The following KL variants were observed in gnomAD, a reference collection of about 807,000 sequenced individuals.
KL encodes alpha-klotho.
In KL, 62 loss-of-function variants were observed where a neutral mutation model predicts 84.2. The observed-to-expected ratio is 0.74, with a 90% CI of 0.60 to 0.91. KL has a LOEUF of 0.91. Among genes scored for constraint, KL ranks in the 40% least tolerant of loss-of-function variants. The probability of loss-of-function intolerance (pLI) is 0.00; values close to 1 mark genes in which losing one functional copy is unlikely to be tolerated. For missense variants in KL, 1,261 were observed against 1,305.7 expected, an observed-to-expected ratio of 0.97 and a Z score of 0.53; for synonymous variants, 528 against 528.0, an observed-to-expected ratio of 1.00 and a Z score of 0.00.
rs553882443 is a variant in KL at position 33,041,755 on chromosome 13, A to G, written c.820-12012A>G. 1.9e-4 allele frequency among the ~76,000 whole-genome samples: 29 copies of G among 152,178 alleles called. No individual in the cohort carries two copies. The South Asian group carries it at 4.0e-3, about 21-fold the overall frequency. On this transcript the variant is annotated intron_variant, in intron 1 of 4. Transcript: ENST00000380099. ...CCCGTACCCTCTACCGCCTCTGCCC[A>G]ATCCTCCGGGTTCTCTGCTCCTTCC...
intron 1 of KL, among the ~76,000 whole-genome samples, chr13:33,046,352 C>T (rs1871528545): frequency 6.6e-6 from 1 of 152,104 alleles, no homozygotes; most frequent in South Asian, 2.1e-4. Context: ...TTTCCTTAGC[C>T]ACTTTTGGTA....
At chr13:33,062,365 G>A (rs1205106721) in intron 4 of KL, among the ~76,000 whole-genome samples, 4 of 146,928 alleles carry the variant, frequency 2.7e-5, no homozygotes, top group African/African-American at 5.0e-5. Flanking sequence ...GGGTGACAGA[G>A]CAAGACACTA....
intron 1 of KL, among the ~76,000 whole-genome samples, chr13:33,024,774 T>A (rs1184292111): frequency 6.6e-6 from 1 of 152,188 alleles, no homozygotes; most frequent in Non-Finnish European, 1.5e-5. Flanking sequence ...GAGACCTGTG[T>A]CCCCTTGTTC....
At position 33,065,060 on chromosome 13, in the gene KL, T is replaced by C. The variant is rs547914023; in HGVS notation, c.*874T>C. The stretch of plus-strand genomic sequence containing the variant: ...ATTATGTGCAACATTATGATTAATC[T>C]GATTATACACCATTTTTGAGCAGAT... On this transcript the variant is annotated 3_prime_UTR_variant, in exon 5 of 5. Transcript: ENST00000380099. 1 of 228,496 alleles carries C rather than the reference T, an allele frequency of 4.4e-6. No homozygotes were observed. The highest frequency in any genetic ancestry group is 8.7e-6 in the Non-Finnish European group (1 of 115,012). The allele number at this position is 228,496 out of a possible 1,614,324, so 14.2% of individuals were successfully genotyped here.
intron 1 of KL, among the ~76,000 whole-genome samples, chr13:33,047,223 CA>C (rs1301525384): frequency 6.6e-6 from 1 of 152,028 alleles, no homozygotes; most frequent in Non-Finnish European, 1.5e-5. Context: ...ATAACCATGC[CA>C]GATTTTTAAT....
At chr13:33,036,758 A>G (rs1233296836) in intron 1 of KL, among the ~76,000 whole-genome samples, 1 of 152,248 alleles carries the variant, frequency 6.6e-6, no homozygotes, top group African/African-American at 2.4e-5. Context: ...ATGATAGTTC[A>G]TAATAAATGC....
At chr13:33,062,855 G>A (rs1290362764) in intron 4 of KL, among the ~76,000 whole-genome samples, 1 of 151,848 alleles carries the variant, frequency 6.6e-6, no homozygotes, top group African/African-American at 2.4e-5. Flanking sequence ...GAGGGGGTGG[G>A]AGAATAACTT....
At chr13:33,052,804 G>A (rs1871802622) in intron 1 of KL, among the ~76,000 whole-genome samples, 1 of 152,132 alleles carries the variant, frequency 6.6e-6, no homozygotes, top group African/African-American at 2.4e-5. Flanking sequence ...TTTTCAAAGA[G>A]GATATGTTAG....
rs1391664962 is a variant in KL, at chr13:33,060,827, C to T, written c.1748C>T (p.Ala583Val). The T allele has an allele frequency of 2.5e-6, 4 of 1,614,212 alleles. No individual in the cohort carries two copies. In the South Asian group the frequency reaches 4.4e-5, roughly 18 times the overall value. ...TTTGCTGCCATCCAGCCCCAGATCG[C>T]TTTACTCCAGGAAATGCACGTTACA... ...VDFAAIQPQI[A>V]LLQEMHVTHF... Residue 583 changes from alanine (A) to valine (V), a missense_variant, in exon 4 of 5, where the codon GCT becomes GTT. Physicochemically the swap from Ala to Val is moderately conservative, Grantham distance 64 (BLOSUM62 0). Transcript: ENST00000380099.
rs370222770 is a variant in KL, at chr13:33,019,598, CA to C, written c.819+2340del. Among the ~76,000 whole-genome samples the C allele has an allele frequency of 2.4e-4, 37 of 152,028 alleles. No individual in the cohort carries two copies. The East Asian group carries it at 4.6e-3, about 19-fold the overall frequency. On this transcript the variant is annotated intron_variant, in intron 1 of 4. Coordinates refer to ENST00000380099, the MANE Select transcript of KL (RefSeq NM_004795.4). ...CAAGAATCATTGATGGCCTGGAGGACAGGAGGCAGAACAAACAAACAGCAGG... is the reference window on the plus strand; with the variant it reads ...CAAGAATCATTGATGGCCTGGAGGACGGAGGCAGAACAAACAAACAGCAGG...
At chr13:33,059,791 A>G (rs896847908) in intron 3 of KL, among the ~76,000 whole-genome samples, 1 of 152,036 alleles carries the variant, frequency 6.6e-6, no homozygotes, top group Non-Finnish European at 1.5e-5. Context: ...ACTTTCTACC[A>G]TCAGTCAGAT....
intron 1 of KL, among the ~76,000 whole-genome samples, chr13:33,035,384 A>C (rs1332465233): frequency 1.8e-4 from 27 of 152,214 alleles, no homozygotes; most frequent in Non-Finnish European, 1.2e-4. Flanking sequence ...AATGTTTAGA[A>C]AATAAAAGTG....
intron 1 of KL, 98 bp downstream of exon 1, chr13:33,017,357 G>A: frequency 8.8e-7 from 1 of 1,133,824 alleles, no homozygotes; most frequent in Non-Finnish European, 1.2e-6. Flanking sequence ...CCCCAGACGA[G>A]GCTTCACTTG....
rs1784312519 is a variant in KL at position 33,017,084 on chromosome 13, A to G, written c.644A>G (p.His215Arg). 2 of 1,605,126 alleles carry G rather than the reference A, an allele frequency of 1.2e-6. No individual in the cohort carries two copies. The highest frequency in any genetic ancestry group is 1.7e-6 in the Non-Finnish European group (2 of 1,179,524). Residue 215 changes from histidine to arginine, a missense_variant, in exon 1 of 5, where the codon CAC (histidine) becomes CGC (arginine). Transcript: ENST00000380099. The stretch of plus-strand genomic sequence containing the variant: ...TGGGCCAACCGCGCCCTGGCCGACC[A>G]CTTCAGGGATTACGCGGAGCTCTGC... ...GGWANRALAD[H>R]FRDYAELCFR...
At chr13:33,021,448 A>G (rs1469979630) in intron 1 of KL, among the ~76,000 whole-genome samples, 1 of 152,330 alleles carries the variant, frequency 6.6e-6, no homozygotes, top group East Asian at 1.9e-4. Flanking sequence ...CTTTAGGAGT[A>G]TATATTGGAA....
chr13:33,062,537 G>T (rs567455476), intron 4 of KL, among the ~76,000 whole-genome samples: 1 of 151,992 alleles, frequency 6.6e-6, no homozygotes, highest in South Asian at 2.1e-4. Context: ...TCCAGGTGTA[G>T]TGATGCACAC....
intron 3 of KL, among the ~76,000 whole-genome samples, chr13:33,055,675 T>G (rs546175288): frequency 6.6e-6 from 1 of 152,198 alleles, no homozygotes; most frequent in Non-Finnish European, 1.5e-5. Flanking sequence ...CCAAAGCCTC[T>G]GAGTTTCAGT....
chr13:33,052,149 G>A (rs1426803304), intron 1 of KL, among the ~76,000 whole-genome samples: 2 of 152,014 alleles, frequency 1.3e-5, no homozygotes, highest in Admixed American at 1.3e-4. Context: ...GTAGAAATGG[G>A]GTCTCACTCT....
At chr13:33,044,832 TG>T (rs1871470249) in intron 1 of KL, among the ~76,000 whole-genome samples, 1 of 152,038 alleles carries the variant, frequency 6.6e-6, no homozygotes, top group African/African-American at 2.4e-5. Context: ...AGCTGATTTT[TG>T]TATTGACATT....
Sources: gnomAD v4.1 joint callset for allele counts (sites outside exome capture counted in the v4.1 genomes callset) on GRCh38, gnomAD v4.1.1 for gene constraint, MANE v1.5 for transcripts, NCBI Gene and HGNC (gene_info 2026-07-23, HGNC 2026-07-21) for gene names.